The following SLC5A11 variants were observed in gnomAD, a reference collection of about 807,000 sequenced individuals.
SLC5A11 encodes sodium/myo-inositol cotransporter 2.
Under a neutral mutation model 69.8 loss-of-function variants are expected in SLC5A11, and 48 were observed. The observed-to-expected ratio is 0.69, with a 90% CI of 0.55 to 0.87. The LOEUF (loss-of-function observed/expected upper bound fraction) is 0.87. Among genes scored for constraint, SLC5A11 ranks in the 40% least tolerant of loss-of-function variants. The pLI is 0.00. For synonymous variants in SLC5A11, 319 were observed against 342.4 expected, an observed-to-expected ratio of 0.93 and a Z score of 0.75; for missense variants, 784 against 866.1, an observed-to-expected ratio of 0.91 and a Z score of 1.19.
chr16:24,857,080 G>A (rs113695741), intron 1 of SLC5A11, among the ~76,000 whole-genome samples: 20,472 of 152,112 alleles, frequency 0.13, 1,615 homozygotes, highest in Middle Eastern at 0.22. Context: ...TCGGCCTCCC[G>A]AAGTGCTGGT....
exon 1 of SLC5A11, chr16:24,846,236 G>A (rs571136830): frequency 6.6e-6 from 1 of 152,656 alleles, no homozygotes; most frequent in East Asian, 1.9e-4. Context: ...CTGCAGCTGA[G>A]GCTGGAGTTT....
intron 8 of SLC5A11, among the ~76,000 whole-genome samples, chr16:24,888,088 T>C (rs957505477): frequency 6.6e-6 from 1 of 152,160 alleles, no homozygotes; most frequent in East Asian, 1.9e-4. Context: ...AATGTATCTT[T>C]TTCCAGCATT....
At chr16:24,908,972 C>T (rs1445036842) in exon 14 of SLC5A11, 4 of 1,614,110 alleles carry the variant, frequency 2.5e-6, no homozygotes, top group Non-Finnish European at 2.5e-6. Flanking sequence ...TGCGACCAGC[C>T]AGATGAGCGC....
intron 2 of SLC5A11, 138 bp from the exon 4 acceptor site, chr16:24,862,463 G>T: frequency 3.5e-6 from 2 of 568,500 alleles, no homozygotes; most frequent in Non-Finnish European, 6.2e-6. Flanking sequence ...CAAAACTCTG[G>T]GAGAAACAAA....
At chr16:24,864,286 AT>A (rs1344109112) in intron 3 of SLC5A11, among the ~76,000 whole-genome samples, 5 of 152,330 alleles carry the variant, frequency 3.3e-5, no homozygotes, top group Non-Finnish European at 7.4e-5. Context: ...AGGCAGAGTT[AT>A]AAGCTGGGAG....
At chr16:24,877,497 C>T in intron 7 of SLC5A11, 134 bp downstream of exon 8, 1 of 610,224 alleles carries the variant, frequency 1.6e-6, no homozygotes, top group Non-Finnish European at 2.8e-6. Flanking sequence ...CACTCCTTTA[C>T]CCTAGATAAA....
At chr16:24,873,972 GCA>G (rs2047504281) in intron 5 of SLC5A11, among the ~76,000 whole-genome samples, 1 of 151,600 alleles carries the variant, frequency 6.6e-6, no homozygotes, top group Non-Finnish European at 1.5e-5. Flanking sequence ...GATTACAGGT[GCA>G]CACCACCACG....
chr16:24,884,632 GT>G (rs10716696), intron 8 of SLC5A11, among the ~76,000 whole-genome samples: 64,708 of 136,956 alleles, frequency 0.47, 14,540 homozygotes, highest in Non-Finnish European at 0.5. Flanking sequence ...ACCTGGCACT[GT>G]TTTTTTTTTT....
intron 10 of SLC5A11, 142 bp downstream of exon 11, chr16:24,898,251 A>T: frequency 2.6e-6 from 3 of 1,173,718 alleles, no homozygotes; most frequent in Non-Finnish European, 3.5e-6. Context: ...TCATTCTGTC[A>T]TTCAGGTTGG....
intron 4 of SLC5A11, among the ~76,000 whole-genome samples, chr16:24,870,779 C>CAGAA (rs1778874783): frequency 4.4e-5 from 1 of 22,678 alleles, no homozygotes; most frequent in Non-Finnish European, 8.1e-5. Flanking sequence ...GACTCTGTCT[C>CAGAA]ACAAAAAAAA....
chr16:24,895,302 A>G (rs2049078338), intron 9 of SLC5A11, among the ~76,000 whole-genome samples: 1 of 151,904 alleles, frequency 6.6e-6, no homozygotes, highest in Non-Finnish European at 1.5e-5. Flanking sequence ...CAGCCTGGCC[A>G]ACATGGTGAA....
At chr16:24,872,514 A>G (rs2047370628) in intron 5 of SLC5A11, among the ~76,000 whole-genome samples, 2 of 152,098 alleles carry the variant, frequency 1.3e-5, no homozygotes, top group Admixed American at 6.6e-5. Flanking sequence ...AAAGCTCACA[A>G]TCTCTTTTAA....
At chr16:24,902,546 CTT>C (rs35191056) in intron 10 of SLC5A11, among the ~76,000 whole-genome samples, 60 of 130,232 alleles carry the variant, frequency 4.6e-4, no homozygotes, top group Middle Eastern at 4.1e-3. Flanking sequence ...CCAATCAAGT[CTT>C]TTTTTTTTTT....
intron 5 of SLC5A11, among the ~76,000 whole-genome samples, chr16:24,872,452 G>A (rs1457762627): frequency 2.6e-5 from 4 of 152,142 alleles, no homozygotes; most frequent in Non-Finnish European, 5.9e-5. Flanking sequence ...AAGGCATTTG[G>A]AGGTTGGAAA....
exon 6 of SLC5A11, chr16:24,875,728 C>G (rs1397959526): frequency 1.2e-6 from 2 of 1,613,010 alleles, no homozygotes; most frequent in South Asian, 2.2e-5. Flanking sequence ...TCACCAAGAT[C>G]TCGGTAAGGC....
chr16:24,878,773 G>A (rs553808844), intron 7 of SLC5A11, among the ~76,000 whole-genome samples: 11 of 152,178 alleles, frequency 7.2e-5, no homozygotes, highest in East Asian at 3.9e-4. Context: ...TGGCTCACGT[G>A]TGTAATCCCA....
intron 8 of SLC5A11, among the ~76,000 whole-genome samples, chr16:24,887,547 G>T (rs2048473462): frequency 2.0e-5 from 3 of 151,538 alleles, no homozygotes; most frequent in African/African-American, 2.4e-5. Flanking sequence ...GTGCATATAA[G>T]TTTTTTTTTC....
intron 9 of SLC5A11, among the ~76,000 whole-genome samples, chr16:24,893,954 C>T (rs971338335): frequency 1.3e-5 from 2 of 152,168 alleles, no homozygotes; most frequent in Non-Finnish European, 2.9e-5. Context: ...ATTTCGTTGA[C>T]CTGTTGGAAC....
intron 3 of SLC5A11, among the ~76,000 whole-genome samples, chr16:24,864,102 A>G (rs1293811894): frequency 6.6e-6 from 1 of 152,208 alleles, no homozygotes; most frequent in African/African-American, 2.4e-5. Context: ...CTTAAATAGA[A>G]AAGCTGGGAA....
Sources: allele counts gnomAD v4.1 joint callset (sites outside exome capture counted in the v4.1 genomes callset), GRCh38; gene constraint gnomAD v4.1.1; transcripts MANE v1.5; gene names NCBI Gene and HGNC (gene_info 2026-07-23, HGNC 2026-07-21).